The following ARHGEF38 variants were observed in gnomAD, a reference collection of about 807,000 sequenced individuals.
ARHGEF38 encodes the protein Rho guanine nucleotide exchange factor 38.
A neutral mutation model predicts 79.9 loss-of-function variants in ARHGEF38; 79 were observed. That is an observed-to-expected ratio of 0.99 (90% CI 0.82 to 1.19). The LOEUF (loss-of-function observed/expected upper bound fraction) is 1.19. Among genes scored for constraint, ARHGEF38 ranks in the 50% most tolerant of loss-of-function variants. ARHGEF38 has a pLI of 0.00. For missense variants in ARHGEF38, 962 were observed against 907.2 expected, an observed-to-expected ratio of 1.06 and a Z score of -0.78; for synonymous variants, 366 against 328.3, an observed-to-expected ratio of 1.11 and a Z score of -1.24.
Position 105,666,158 on chromosome 4 carries a change from A to G in ARHGEF38, c.1546-19A>G, listed in dbSNP as rs1344570895. 6.6e-7 allele frequency: 1 copy of G among 1,504,380 alleles called. No individual in the cohort carries two copies. Among genetic ancestry groups the G allele is most frequent in the Non-Finnish European group, 8.8e-7 (1 of 1,134,764 alleles). 93.2% of individuals were successfully genotyped at this position (1,504,380 alleles called of 1,614,324 possible). On this transcript the variant is annotated intron_variant, in intron 10 of 13. Coordinates refer to ENST00000420470, the MANE Select transcript of ARHGEF38 (RefSeq NM_001242729.2). ...TATCTAGGTGTCTGGAAACAATGCC[A>G]TATTATTTCTACCTATAGATGCCAC...
chr4:105,628,079 A>G (rs915108289), intron 3 of ARHGEF38, among the ~76,000 whole-genome samples: 2 of 152,222 alleles, frequency 1.3e-5, no homozygotes, highest in African/African-American at 4.8e-5. Context: ...AAATTCTTTC[A>G]AACTACACCA....
chr4:105,611,615 T>C (rs909188072), intron 2 of ARHGEF38, among the ~76,000 whole-genome samples: 6 of 152,028 alleles, frequency 3.9e-5, no homozygotes, highest in African/African-American at 1.4e-4. Context: ...TTAAATATTT[T>C]CTGTGATATT....
chr4:105,667,041 A>G (rs1730776106), intron 11 of ARHGEF38, 88 bp from the exon 12 acceptor site: 3 of 1,178,932 alleles, frequency 2.5e-6, no homozygotes, highest in Non-Finnish European at 3.5e-6. Flanking sequence ...CTACGTTTTA[A>G]AAATCTCCAG....
chr4:105,595,441 G>A (rs1432898744), intron 2 of ARHGEF38, among the ~76,000 whole-genome samples: 2 of 151,858 alleles, frequency 1.3e-5, no homozygotes, highest in East Asian at 3.9e-4. Context: ...ATACTATATG[G>A]CAACATTATA....
intron 1 of ARHGEF38, among the ~76,000 whole-genome samples, chr4:105,559,689 AG>A (rs1725424522): frequency 6.6e-6 from 1 of 152,152 alleles, no homozygotes; most frequent in African/African-American, 2.4e-5. Flanking sequence ...TTAAATATGT[AG>A]ATCTGGTATG....
At chr4:105,601,339 C>A (rs899006223) in intron 2 of ARHGEF38, among the ~76,000 whole-genome samples, 2 of 152,162 alleles carry the variant, frequency 1.3e-5, no homozygotes, top group Non-Finnish European at 2.9e-5. Flanking sequence ...TCCGTCAAGA[C>A]TTTACTCAGT....
At chr4:105,643,413 A>T (rs1729703284) in intron 5 of ARHGEF38, among the ~76,000 whole-genome samples, 1 of 152,032 alleles carries the variant, frequency 6.6e-6, no homozygotes, top group Non-Finnish European at 1.5e-5. Context: ...GCAGACCTTT[A>T]ATACTTATTC....
intron 1 of ARHGEF38, among the ~76,000 whole-genome samples, chr4:105,585,726 CTTTTTTTTT>C (rs3056719): frequency 1.4e-5 from 1 of 71,504 alleles, no homozygotes; most frequent in Non-Finnish European, 2.4e-5. Context: ...CCCTCCGTTG[CTTTTTTTTT>C]TTTTTTTTTT....
At chr4:105,663,087 G>A (rs150581273) in intron 10 of ARHGEF38, among the ~76,000 whole-genome samples, 558 of 151,914 alleles carry the variant, frequency 3.7e-3, no homozygotes, top group African/African-American at 9.2e-3. Context: ...GAAGTATTAC[G>A]GAGATCCTGT....
At chr4:105,557,050 C>T (rs1304693920) in intron 1 of ARHGEF38, among the ~76,000 whole-genome samples, 2 of 152,100 alleles carry the variant, frequency 1.3e-5, no homozygotes, top group Non-Finnish European at 2.9e-5. Flanking sequence ...CATTTCCATT[C>T]TACTGGGAGC....
intron 13 of ARHGEF38, among the ~76,000 whole-genome samples, chr4:105,671,709 C>T (rs1730962985): frequency 6.6e-6 from 1 of 152,172 alleles, no homozygotes; most frequent in African/African-American, 2.4e-5. Context: ...AGTGAGAATA[C>T]AGTACATATT....
At chr4:105,604,992 C>T (rs770645562) in intron 2 of ARHGEF38, among the ~76,000 whole-genome samples, 1 of 152,110 alleles carries the variant, frequency 6.6e-6, no homozygotes, top group Non-Finnish European at 1.5e-5. Flanking sequence ...TAAACAATTT[C>T]TGAAAAGATT....
chr4:105,676,969 CT>C (rs1406426527), intron 13 of ARHGEF38, among the ~76,000 whole-genome samples: 1,477 of 144,226 alleles, frequency 0.01, 18 homozygotes, highest in African/African-American at 0.03. Flanking sequence ...TGTGTTTTTT[CT>C]TTTTTTTTTT....
intron 1 of ARHGEF38, among the ~76,000 whole-genome samples, chr4:105,574,549 CAA>C (rs749100591): frequency 7.2e-5 from 2 of 27,824 alleles, no homozygotes; most frequent in African/African-American, 9.3e-5. Flanking sequence ...GACTCCATCT[CAA>C]AAAAAAAAAA....
rs114668056 is a variant in ARHGEF38 at position 105,661,769 on chromosome 4, G to T, written c.1545+2404G>T. Among the ~76,000 whole-genome samples the T allele has an allele frequency of 7.4e-3, 1,130 of 151,920 alleles. 12 individuals are homozygous for T. The highest frequency in any genetic ancestry group is 0.025 in the African/African-American group (1,041 of 41,478). The stretch of plus-strand genomic sequence containing the variant: ...TCATGACCATTCCCAGGCACCTAAA[G>T]GTAACCATTTTTCTAACCTGTATTA... On this transcript the variant is annotated intron_variant, in intron 10 of 13. Coordinates refer to ENST00000420470, the MANE Select transcript of ARHGEF38 (RefSeq NM_001242729.2).
chr4:105,660,444 T>C (rs1730516005), intron 10 of ARHGEF38, among the ~76,000 whole-genome samples: 1 of 151,314 alleles, frequency 6.6e-6, no homozygotes, highest in African/African-American at 2.4e-5. Context: ...CTTTTTTTTT[T>C]TTTTGGTGGG....
At chr4:105,560,468 T>C (rs539308522) in intron 1 of ARHGEF38, among the ~76,000 whole-genome samples, 100 of 152,262 alleles carry the variant, frequency 6.6e-4, no homozygotes, top group Admixed American at 1.7e-3. Context: ...CATTTGCAAA[T>C]GAAAAGAATG....
chr4:105,580,985 G>GT (rs1403206371), intron 1 of ARHGEF38, among the ~76,000 whole-genome samples: 3 of 151,990 alleles, frequency 2.0e-5, no homozygotes, highest in African/African-American at 7.2e-5. Context: ...TATTCTGTTT[G>GT]TTTTTTGGTG....
At chr4:105,642,510 T>A (rs1299072588) in intron 5 of ARHGEF38, among the ~76,000 whole-genome samples, 1 of 152,210 alleles carries the variant, frequency 6.6e-6, no homozygotes, top group Non-Finnish European at 1.5e-5. Flanking sequence ...AGTTGGTTTT[T>A]TGATAGATCT....
Sources: gnomAD v4.1 joint callset for allele counts (sites outside exome capture counted in the v4.1 genomes callset) on GRCh38, gnomAD v4.1.1 for gene constraint, MANE v1.5 for transcripts, NCBI Gene and HGNC (gene_info 2026-07-23, HGNC 2026-07-21) for gene names.